SLMAP: variants seen among roughly 807,000 people sequenced by gnomAD.
The protein encoded by SLMAP is sarcolemmal membrane-associated protein.
A neutral mutation model predicts 128.8 loss-of-function variants in SLMAP; 44 were observed. That is an observed-to-expected ratio of 0.34 (90% CI 0.27 to 0.44). The LOEUF is 0.44. SLMAP is among the 20% of genes least tolerant of loss of function. The probability of loss-of-function intolerance (pLI) is 1.00; values close to 1 mark genes in which losing one functional copy is unlikely to be tolerated. For missense variants in SLMAP, 787 were observed against 985.3 expected, an observed-to-expected ratio of 0.80 and a Z score of 2.69; for synonymous variants, 327 against 348.8, an observed-to-expected ratio of 0.94 and a Z score of 0.70.
In SLMAP at chr3:57,906,709, A is replaced by G. The variant is rs953584408; in HGVS notation, c.1502-1175A>G. ...TATATATATATATATATAATTTCCA[A>G]AACCTATTGTAATTGTATTGTGAAA... is the stretch of plus-strand genomic sequence containing the variant. On this transcript the variant is annotated intron_variant, in intron 17 of 24. Coordinates refer to ENST00000671191, the MANE Select transcript of SLMAP (RefSeq NM_001377540.1). Among the ~76,000 whole-genome samples, 23 of 148,766 alleles carry G rather than the reference A, an allele frequency of 1.5e-4. 1 individual carries two copies. The highest frequency in any genetic ancestry group is 3.2e-4 in the African/African-American group (13 of 40,842).
At chr3:57,799,108 T>G (rs2087524054) in intron 2 of SLMAP, among the ~76,000 whole-genome samples, 1 of 152,196 alleles carries the variant, frequency 6.6e-6, no homozygotes, top group Admixed American at 6.5e-5. Context: ...AGAGTGTAAG[T>G]TAGAGTAGCA....
intron 2 of SLMAP, among the ~76,000 whole-genome samples, chr3:57,780,422 G>A (rs541980401): frequency 9.2e-5 from 14 of 152,164 alleles, no homozygotes; most frequent in Admixed American, 7.2e-4. Flanking sequence ...CAGGTTTACA[G>A]GCAAGAACCA....
intron 22 of SLMAP, among the ~76,000 whole-genome samples, chr3:57,921,220 C>T (rs1048893290): frequency 3.9e-5 from 6 of 152,128 alleles, no homozygotes; most frequent in Non-Finnish European, 8.8e-5. Flanking sequence ...ATTGGTCTCA[C>T]CTTTAAAAGG....
rs1173207281 is a variant in SLMAP at position 57,865,280 on chromosome 3, AG to A, written c.1226del (p.Ser409ThrfsTer22). The A allele has an allele frequency of 2.0e-6, 3 of 1,470,358 alleles. No individual in the cohort carries two copies. The highest frequency in any genetic ancestry group is 2.8e-6 in the Non-Finnish European group (3 of 1,081,106). The allele number at this position is 1,470,358 out of a possible 1,614,324, so 91.1% of individuals were successfully genotyped here. On this transcript the variant is annotated frameshift_variant, in exon 13 of 25. Transcript: ENST00000671191. LOFTEE classifies it high-confidence loss of function. ...TGACTTCTTACCTAAAATAAATGGGAGCACAGAAAAAGGTAGTGTAAAAAAC... is the reference window on the plus strand; with the variant it reads ...TGACTTCTTACCTAAAATAAATGGGACACAGAAAAAGGTAGTGTAAAAAAC... ...VDDFLPKINGSTEKEHLLSKS... is the reference protein window; with the variant it reads ...VDDFLPKINGXTEKEHLLSKS...
chr3:57,809,295 T>C (rs2090498621), intron 2 of SLMAP, among the ~76,000 whole-genome samples: 1 of 152,210 alleles, frequency 6.6e-6, no homozygotes, highest in Admixed American at 6.5e-5. Flanking sequence ...CTGCTCCCAC[T>C]TCCTGGCCTC....
intron 14 of SLMAP, among the ~76,000 whole-genome samples, chr3:57,872,622 AAGAC>A (rs1320826096): frequency 6.6e-6 from 1 of 152,240 alleles, no homozygotes; most frequent in African/African-American, 2.4e-5. Context: ...TGTATCTCCA[AAGAC>A]AGACAAACAA....
chr3:57,774,509 A>AATTATTATTATT (rs66990452), intron 2 of SLMAP, among the ~76,000 whole-genome samples: 87 of 147,420 alleles, frequency 5.9e-4, no homozygotes, highest in African/African-American at 2.2e-3. Context: ...TTTAATAGAC[A>AATTATTATTATT]ATTATTATTA....
intron 14 of SLMAP, among the ~76,000 whole-genome samples, chr3:57,887,049 T>G (rs2095909021): frequency 6.6e-6 from 1 of 152,080 alleles, no homozygotes; most frequent in Admixed American, 6.5e-5. Flanking sequence ...ATAGTTGTTT[T>G]ATGTTATGTG....
intron 6 of SLMAP, among the ~76,000 whole-genome samples, chr3:57,855,149 A>G: frequency 6.6e-6 from 1 of 152,154 alleles, no homozygotes; most frequent in Admixed American, 6.5e-5. Context: ...TGACCGAGGC[A>G]GGAGGAACAC....
Position 57,773,534 on chromosome 3 carries a change from A to C in SLMAP, c.198+15685A>C, listed in dbSNP as rs528830428. ...GGGTTGATGGGACCATAGGGCAAAAACCTTTAGGAAATCAAGGCATAAACT... is the reference window on the plus strand; with the variant it reads ...GGGTTGATGGGACCATAGGGCAAAACCCTTTAGGAAATCAAGGCATAAACT... On this transcript the variant is annotated intron_variant, in intron 2 of 24. Coordinates refer to ENST00000671191, the MANE Select transcript of SLMAP (RefSeq NM_001377540.1). Among the ~76,000 whole-genome samples, 4 of 152,274 alleles carry C rather than the reference A, an allele frequency of 2.6e-5. No individual in the cohort carries two copies. The South Asian group carries it at 8.3e-4, about 32-fold the overall frequency.
intron 15 of SLMAP, among the ~76,000 whole-genome samples, chr3:57,891,942 A>C (rs2096083264): frequency 6.6e-6 from 1 of 152,222 alleles, no homozygotes; most frequent in Non-Finnish European, 1.5e-5. Context: ...GTGTTGTTTA[A>C]AAGCAACAAG....
rs1402837892 is a variant in SLMAP, at chr3:57,833,592, G to C, written c.346+2062G>C. ...ATGCCACCATGCCCAGCTAATTTTTGTATTTCTAGTAGAGACGGGGTTTCA... is the reference window on the plus strand; with the variant it reads ...ATGCCACCATGCCCAGCTAATTTTTCTATTTCTAGTAGAGACGGGGTTTCA... On this transcript the variant is annotated intron_variant, in intron 3 of 24. Transcript: ENST00000671191. Among the ~76,000 whole-genome samples the C allele has an allele frequency of 2.0e-5, 3 of 151,998 alleles. No homozygotes were observed. The East Asian group carries it at 5.8e-4, about 29-fold the overall frequency.
At chr3:57,821,284 G>A (rs924780496) in intron 2 of SLMAP, among the ~76,000 whole-genome samples, 3 of 151,914 alleles carry the variant, frequency 2.0e-5, no homozygotes, top group Admixed American at 1.3e-4. Flanking sequence ...AAGATTTATT[G>A]TACAGTGAAC....
intron 14 of SLMAP, among the ~76,000 whole-genome samples, chr3:57,880,140 T>A (rs2095699105): frequency 6.6e-6 from 1 of 151,568 alleles, no homozygotes; most frequent in African/African-American, 2.4e-5. Context: ...ACCTATACCT[T>A]TGTGTTTTAT....
rs2077687559 is a variant in SLMAP at position 57,756,359 on chromosome 3, G to C, written c.-1105+17G>C. ...GCTGGCAAGGTAAGCTGAGGCGGTG[G>C]TGGCGGCTAGGGAGGTAGGACCCGT... On this transcript the variant is annotated intron_variant, in intron 1 of 24. Coordinates refer to ENST00000671191, the MANE Select transcript of SLMAP (RefSeq NM_001377540.1). The C allele has an allele frequency of 6.5e-6, 1 of 153,432 alleles. No individual in the cohort carries two copies. Among genetic ancestry groups the C allele is most frequent in the Non-Finnish European group, 1.4e-5 (1 of 68,974 alleles). 9.5% of individuals were successfully genotyped at this position (153,432 alleles called of 1,614,324 possible). A position where few individuals can be genotyped will look rare whatever the true frequency, so the allele number is the denominator to read the frequency against.
intron 2 of SLMAP, among the ~76,000 whole-genome samples, chr3:57,778,870 A>G (rs1273045051): frequency 1.3e-5 from 2 of 152,040 alleles, no homozygotes; most frequent in African/African-American, 4.8e-5. Context: ...TGTTATAACC[A>G]TTTTGACAAA....
chr3:57,875,899 T>C (rs972813741), intron 14 of SLMAP, among the ~76,000 whole-genome samples: 1 of 152,240 alleles, frequency 6.6e-6, no homozygotes, highest in Non-Finnish European at 1.5e-5. Flanking sequence ...TCAGCAAATA[T>C]CTTAAGTAAA....
At chr3:57,832,361 A>C (rs2093393390) in intron 3 of SLMAP, among the ~76,000 whole-genome samples, 1 of 152,206 alleles carries the variant, frequency 6.6e-6, no homozygotes, top group South Asian at 2.1e-4. Flanking sequence ...AGTAGCTATC[A>C]CAAGTATAAA....
In SLMAP at chr3:57,912,525, G is replaced by A. The variant is rs781418237; in HGVS notation, c.1844G>A (p.Arg615Gln). The A allele has an allele frequency of 6.8e-6, 11 of 1,614,030 alleles. No individual in the cohort carries two copies. The highest frequency in any genetic ancestry group is 2.7e-5 in the African/African-American group (2 of 74,926). The change falls in exon 20 of 25, where the codon CGG (arginine) becomes CAG (glutamine). Residue 615 changes from arginine to glutamine, a missense_variant. By Grantham distance (43) the Arg-to-Gln change is conservative. Transcript: ENST00000671191. ...HQAAAKVASE[R>Q]DTDIASLQEE... ...GCAGCAGCAAAGGTTGCCTCTGAGC[G>A]GGACACTGACATTGCTTCTTTACAA...
Sources: gnomAD v4.1 joint callset for allele counts (sites outside exome capture counted in the v4.1 genomes callset) on GRCh38, gnomAD v4.1.1 for gene constraint, MANE v1.5 for transcripts, NCBI Gene and HGNC (gene_info 2026-07-23, HGNC 2026-07-21) for gene names.